COL22A1: variants seen among roughly 807,000 people sequenced by gnomAD.
The protein encoded by COL22A1 is collagen type XXII alpha 1 chain.
In COL22A1, 221 loss-of-function variants were observed where a neutral mutation model predicts 248.9. That is an observed-to-expected ratio of 0.89 (90% CI 0.80 to 0.99). The LOEUF (loss-of-function observed/expected upper bound fraction) is 0.99, where lower values mean the gene tolerates loss of function less well. Ranked by LOEUF, COL22A1 falls within the 50% of genes least tolerant of loss-of-function variation. COL22A1 has a pLI of 0.00. For synonymous variants in COL22A1, 891 were observed against 793.4 expected, an observed-to-expected ratio of 1.12 and a Z score of -2.07; for missense variants, 2,240 against 2,179.0, an observed-to-expected ratio of 1.03 and a Z score of -0.56.
chr8:138,672,016 T>C (rs1825076616), intron 41 of COL22A1, among the ~76,000 whole-genome samples: 1 of 152,136 alleles, frequency 6.6e-6, no homozygotes, highest in Non-Finnish European at 1.5e-5. Flanking sequence ...TAGTCAAAAG[T>C]TATACTCAAA....
In COL22A1 at chr8:138,692,463, A is replaced by ATGTG. The variant is rs145298366; in HGVS notation, c.2754+1179_2754+1182dup. Among the ~76,000 whole-genome samples, 188 of 136,100 alleles carry ATGTG rather than the reference A, an allele frequency of 1.4e-3. 2 individuals are homozygous for ATGTG. The highest frequency in any genetic ancestry group is 4.4e-3 in the African/African-American group (154 of 34,996). The allele number at this position is 136,100 out of a possible 152,430, so 89.3% of individuals were successfully genotyped here. ...TGTGTGGAGGTGTGTGTGTGAGTGC[A>ATGTG]TGTGTGTGTGTGTGTGTGTGTGTGT... On this transcript the variant is annotated intron_variant, in intron 35 of 64. Coordinates refer to ENST00000303045, the MANE Select transcript of COL22A1 (RefSeq NM_152888.3).
chr8:138,602,994 T>C (rs1818156185), intron 59 of COL22A1, among the ~76,000 whole-genome samples: 1 of 152,234 alleles, frequency 6.6e-6, no homozygotes, highest in Non-Finnish European at 1.5e-5. Flanking sequence ...AAGCAGAGCT[T>C]GATATTGGCG....
intron 11 of COL22A1, among the ~76,000 whole-genome samples, chr8:138,797,234 A>G (rs776645178): frequency 1.4e-4 from 21 of 152,188 alleles, no homozygotes; most frequent in Non-Finnish European, 2.8e-4. Context: ...AACAACCCAT[A>G]TCTATTAGCA....
rs537532042 is a variant in COL22A1, at chr8:138,883,263, C to A, written c.-72-19G>T. 1.1e-4 allele frequency: 147 copies of A among 1,298,150 alleles called. 1 individual carries two copies. The East Asian group carries it at 3.3e-3, about 29-fold the overall frequency. The allele number at this position is 1,298,150 out of a possible 1,614,324, so 80.4% of individuals were successfully genotyped here. On this transcript the variant is annotated intron_variant, in intron 1 of 64. Transcript: ENST00000303045. ...GCATGGCCTGTGTGGAGAAAGACAC[C>A]CTTAGAGAAGGCTCTCAAGCTGAAA...
chr8:138,760,629 A>T (rs1833397133), intron 17 of COL22A1, among the ~76,000 whole-genome samples: 1 of 152,016 alleles, frequency 6.6e-6, no homozygotes, highest in Non-Finnish European at 1.5e-5. Flanking sequence ...CGGCCCAGGG[A>T]GCATAGAAGG....
At chr8:138,896,751 T>A (rs1028092730) in intron 1 of COL22A1, among the ~76,000 whole-genome samples, 1 of 152,160 alleles carries the variant, frequency 6.6e-6, no homozygotes, top group Non-Finnish European at 1.5e-5. Context: ...GGCAGGCAGA[T>A]CACCTGAGGT....
intron 12 of COL22A1, among the ~76,000 whole-genome samples, chr8:138,787,186 C>T (rs1319781508): frequency 6.6e-6 from 1 of 151,896 alleles, no homozygotes; most frequent in Admixed American, 6.6e-5. Context: ...TAGAGGTTGC[C>T]CCCAGATTGA....
chr8:138,626,201 G>A lies in COL22A1; in HGVS notation c.3706C>T (p.Pro1236Ser), dbSNP rs756652367. 13 of 1,603,230 alleles carry A rather than the reference G, an allele frequency of 8.1e-6. No individual in the cohort carries two copies. In the Admixed American group the frequency reaches 1.4e-4, roughly 17 times the overall value. Reference protein sequence around the residue: ...PPGPQGPSGLPGIPGEEGKEG... With the variant: ...PPGPQGPSGLSGIPGEEGKEG... The stretch of plus-strand genomic sequence containing the variant: ...TAAAAGCCACTTACTGGGATTCCGG[G>A]TAATCCAGATGGGCCTTGGGGGCCA... Residue 1236 changes from proline to serine, a missense_variant, in exon 51 of 65, where the codon CCC (proline) becomes TCC (serine). By Grantham distance (74) the Pro-to-Ser change is moderately conservative (BLOSUM62 -1). Transcript: ENST00000303045.
At chr8:138,858,795 TAGA>T (rs558556786) in intron 3 of COL22A1, among the ~76,000 whole-genome samples, 23 of 152,222 alleles carry the variant, frequency 1.5e-4, no homozygotes, top group African/African-American at 4.8e-4. Flanking sequence ...GGATTGTGAG[TAGA>T]AGGAGCTGCA....
intron 46 of COL22A1, 55 bp from the exon 47 acceptor site, chr8:138,646,737 A>G: frequency 7.8e-7 from 1 of 1,281,528 alleles, no homozygotes; most frequent in Non-Finnish European, 1.1e-6. Flanking sequence ...TCAGGCCCAC[A>G]TCCAGGGTCA....
chr8:138,677,633 A>C (rs7842696), intron 40 of COL22A1, among the ~76,000 whole-genome samples: 114,654 of 152,212 alleles, frequency 0.75, 43,876 homozygotes, highest in Non-Finnish European at 0.82. Flanking sequence ...GTGTGTTGAA[A>C]ATTTACATAT....
intron 16 of COL22A1, among the ~76,000 whole-genome samples, chr8:138,764,443 C>T (rs958128326): frequency 3.3e-5 from 5 of 152,210 alleles, no homozygotes; most frequent in African/African-American, 1.2e-4. Flanking sequence ...TGCAGGAAAC[C>T]AGTGAATCAC....
chr8:138,882,397 CAA>C (rs1824278518), intron 2 of COL22A1, among the ~76,000 whole-genome samples: 1 of 112,712 alleles, frequency 8.9e-6, no homozygotes, highest in South Asian at 3.9e-4. Context: ...CACATTACCT[CAA>C]ACTCACACAT....
intron 58 of COL22A1, among the ~76,000 whole-genome samples, chr8:138,605,487 G>T (rs555424771): frequency 6.6e-6 from 1 of 152,170 alleles, no homozygotes; most frequent in Non-Finnish European, 1.5e-5. Flanking sequence ...ATAAGCCCAC[G>T]TAAAAATCAG....
At chr8:138,789,713 C>T (rs1003260534) in intron 12 of COL22A1, among the ~76,000 whole-genome samples, 4 of 152,160 alleles carry the variant, frequency 2.6e-5, no homozygotes, top group Non-Finnish European at 4.4e-5. Context: ...ATGGGGGATC[C>T]CCACTCTTGT....
At chr8:138,745,618 A>C (rs1832043224) in intron 22 of COL22A1, among the ~76,000 whole-genome samples, 1 of 152,250 alleles carries the variant, frequency 6.6e-6, no homozygotes, top group Admixed American at 6.5e-5. Flanking sequence ...TATTAAAGAA[A>C]ACAAAAACAA....
At position 138,594,292 on chromosome 8, in the gene COL22A1, C is replaced by T. The variant is rs1029387217; in HGVS notation, c.4433-93G>A. 55 of 1,090,254 alleles carry T rather than the reference C, an allele frequency of 5.0e-5. 2 individuals carry two copies. The highest frequency in any genetic ancestry group is 9.8e-5 in the Admixed American group (3 of 30,726). The allele number at this position is 1,090,254 out of a possible 1,614,324, so 67.5% of individuals were successfully genotyped here. On this transcript the variant is annotated intron_variant, in intron 62 of 64. Coordinates refer to ENST00000303045, the MANE Select transcript of COL22A1 (RefSeq NM_152888.3). Reference sequence around the variant, plus strand: ...CACTGACAACTCAGAACCAGGGGGCCGATAATAGCTGCAGAAACGGACATA... The same window carrying T: ...CACTGACAACTCAGAACCAGGGGGCTGATAATAGCTGCAGAAACGGACATA...
chr8:138,720,785 G>A lies in COL22A1; in HGVS notation c.2309C>T (p.Pro770Leu). The A allele has an allele frequency of 6.2e-7, 1 of 1,613,472 alleles. No homozygotes were observed. Among genetic ancestry groups the A allele is most frequent in the South Asian group, 1.1e-5 (1 of 91,046 alleles). ...CAGACCATCTTCCCCTCTTTCTCCT[G>A]GTTCTCCCTGGAAGGAATACAGAGC... ...PPGPPGTKGE[P>L]GERGEDGLPG... The change falls in exon 27 of 65, where the codon CCA (proline) becomes CTA (leucine). Residue 770 changes from proline (P) to leucine (L), a missense_variant. Pro to Leu is a moderately conservative substitution (Grantham distance 98). Coordinates refer to ENST00000303045, the MANE Select transcript of COL22A1 (RefSeq NM_152888.3).
In COL22A1 at chr8:138,694,898, G is replaced by A. The variant is rs752545965; in HGVS notation, c.2593-19C>T. 1.2e-6 allele frequency: 2 copies of A among 1,612,928 alleles called. No individual in the cohort carries two copies. On this transcript the variant is annotated intron_variant, in intron 32 of 64. Coordinates refer to ENST00000303045, the MANE Select transcript of COL22A1 (RefSeq NM_152888.3). ...GTTCTCCCTGTTGGTGAGAAGCATA[G>A]GGTAGAGTGGACTTCAGGGAGAACT... is the stretch of plus-strand genomic sequence containing the variant.
Sources: gnomAD v4.1 joint callset for allele counts (sites outside exome capture counted in the v4.1 genomes callset) on GRCh38, gnomAD v4.1.1 for gene constraint, MANE v1.5 for transcripts, NCBI Gene and HGNC (gene_info 2026-07-23, HGNC 2026-07-21) for gene names.